The following MTMR8 variants were observed in gnomAD, a reference collection of about 807,000 sequenced individuals.
MTMR8 encodes phosphatidylinositol-3,5-bisphosphate 3-phosphatase MTMR8.
MTMR8 carries 65 observed loss-of-function variants against 39.3 expected under a neutral mutation model. That is an observed-to-expected ratio of 1.65 (90% CI 1.35 to 2.03). MTMR8 has a LOEUF of 2.03. MTMR8 is among the 30% of genes most tolerant of loss of function. The pLI, the probability that MTMR8 is intolerant of heterozygous loss-of-function variation, is 0.00. For synonymous variants in MTMR8, 245 were observed against 185.2 expected (o/e 1.32, Z -2.62); for missense variants, 777 against 538.9 (o/e 1.44, Z -4.37).
chrX:64,335,936 G>A (rs1923061617), intron 10 of MTMR8, 143 bp downstream of exon 10: 2 of 410,906 alleles, frequency 4.9e-6, no homozygotes, highest in Non-Finnish European at 8.3e-6. Flanking sequence ...ATAGTATCTA[G>A]AATACTTGTT....
At chrX:64,391,029 T>C (rs900044848) in intron 1 of MTMR8, among the ~76,000 whole-genome samples, 3 of 112,224 alleles carry the variant, frequency 2.7e-5, no homozygotes, top group African/African-American at 9.7e-5. Flanking sequence ...ATCATCACAA[T>C]GTAATTTTAG....
intron 10 of MTMR8, among the ~76,000 whole-genome samples, chrX:64,332,951 G>T (rs893408731): frequency 9.0e-6 from 1 of 111,039 alleles, no homozygotes; most frequent in Non-Finnish European, 1.9e-5. Context: ...ATCTCCACAT[G>T]CTAGATTCCT....
chrX:64,348,658 A>T lies in MTMR8; in HGVS notation c.732+2T>A, dbSNP rs1052176436. On this transcript the variant is annotated splice_donor_variant, in intron 6 of 13. Coordinates refer to ENST00000374852, the MANE Select transcript of MTMR8 (RefSeq NM_017677.4). LOFTEE classifies it high-confidence loss of function. ...TCAAAGAAATCACTGAGAAATAGAT[A>T]CCTTTGGTCTTGTGTCTACAACATA... 1.7e-6 allele frequency: 2 copies of T among 1,207,955 alleles called. No individual in the cohort carries two copies. Among genetic ancestry groups the T allele is most frequent in the African/African-American group, 3.5e-5 (2 of 57,163 alleles).
intron 12 of MTMR8, chrX:64,305,685 C>T (rs1218351162): frequency 9.4e-6 from 5 of 530,541 alleles, no homozygotes; most frequent in South Asian, 6.9e-5. Context: ...ATTGCCAGCA[C>T]CAGTAAGGTA....
intron 1 of MTMR8, among the ~76,000 whole-genome samples, chrX:64,389,196 G>T (rs1021723878): frequency 9.0e-6 from 1 of 111,635 alleles, no homozygotes; most frequent in Non-Finnish European, 1.9e-5. Context: ...CTCTATAAAG[G>T]TTAAATATTA....
chrX:64,339,717 TA>T (rs1467973163), intron 8 of MTMR8, among the ~76,000 whole-genome samples: 2 of 110,008 alleles, frequency 1.8e-5, no homozygotes, highest in African/African-American at 6.6e-5. Flanking sequence ...TTCCTTAAAG[TA>T]GGAAGAGATG....
intron 6 of MTMR8, among the ~76,000 whole-genome samples, chrX:64,346,399 T>C (rs1191364391): frequency 9.0e-6 from 1 of 111,380 alleles, no homozygotes; most frequent in Non-Finnish European, 1.9e-5. Flanking sequence ...GGAAATGTGA[T>C]GGTAATTTTG....
intron 1 of MTMR8, among the ~76,000 whole-genome samples, chrX:64,393,593 A>G (rs967747343): frequency 1.8e-5 from 2 of 112,049 alleles, no homozygotes; most frequent in Non-Finnish European, 3.8e-5. Context: ...GTGGGTTGGG[A>G]GAAGAGGGAG....
At chrX:64,325,098 A>T (rs1289086824) in intron 12 of MTMR8, among the ~76,000 whole-genome samples, 1 of 111,667 alleles carries the variant, frequency 9.0e-6, no homozygotes, top group African/African-American at 3.3e-5. Flanking sequence ...ACCTTCCAAG[A>T]TTAAAGAATG....
chrX:64,275,556 A>T (rs1931853519), intron 12 of MTMR8, among the ~76,000 whole-genome samples: 2 of 105,710 alleles, frequency 1.9e-5, no homozygotes, highest in Non-Finnish European at 3.9e-5. Flanking sequence ...AAAATAGCAC[A>T]TGCTTGTAGT....
chrX:64,381,924 C>A (rs1345373775), intron 1 of MTMR8, among the ~76,000 whole-genome samples: 1 of 111,458 alleles, frequency 9.0e-6, no homozygotes, highest in Non-Finnish European at 1.9e-5. Context: ...AGATATGCGG[C>A]ATTAGTTCTG....
At chrX:64,328,341 T>C (rs1395470168) in intron 12 of MTMR8, among the ~76,000 whole-genome samples, 1 of 112,035 alleles carries the variant, frequency 8.9e-6, no homozygotes, top group Non-Finnish European at 1.9e-5. Context: ...AGCTAATAAA[T>C]ATATTAATCT....
intron 1 of MTMR8, among the ~76,000 whole-genome samples, chrX:64,381,118 G>T (rs1422113858): frequency 8.9e-6 from 1 of 111,981 alleles, no homozygotes; most frequent in East Asian, 2.8e-4. Flanking sequence ...CCAGTAATGG[G>T]ATGGCTGGGT....
At chrX:64,289,584 C>T (rs1324724964) in intron 12 of MTMR8, among the ~76,000 whole-genome samples, 1 of 92,480 alleles carries the variant, frequency 1.1e-5, no homozygotes, top group East Asian at 3.5e-4. Flanking sequence ...TTACAATATG[C>T]TATAACTGTG....
intron 12 of MTMR8, among the ~76,000 whole-genome samples, chrX:64,327,418 A>G (rs1444932434): frequency 8.9e-6 from 1 of 112,372 alleles, no homozygotes. Flanking sequence ...GCCAATAGGT[A>G]TATGAAAAAA....
At chrX:64,358,041 A>ACCC (rs1923672660) in intron 2 of MTMR8, among the ~76,000 whole-genome samples, 1 of 111,917 alleles carries the variant, frequency 8.9e-6, no homozygotes, top group South Asian at 3.8e-4. Flanking sequence ...GGTTTGAAAT[A>ACCC]ATACCCAAAA....
chrX:64,362,394 G>A (rs1208737777), intron 1 of MTMR8, among the ~76,000 whole-genome samples: 1 of 95,106 alleles, frequency 1.1e-5, no homozygotes, highest in East Asian at 3.5e-4. Context: ...TGCTCTACTA[G>A]GTATTAAAAC....
At chrX:64,329,049 A>G (rs1326104273) in intron 11 of MTMR8, 149 bp from the exon 12 acceptor site, 1 of 454,361 alleles carries the variant, frequency 2.2e-6, no homozygotes, top group Non-Finnish European at 3.4e-6. Context: ...AAATAAGTGG[A>G]TAAAAAGTGT....
intron 1 of MTMR8, among the ~76,000 whole-genome samples, chrX:64,376,448 C>T (rs1023884479): frequency 8.9e-6 from 1 of 111,999 alleles, no homozygotes; most frequent in African/African-American, 3.2e-5. Context: ...GTCACTCTTG[C>T]TATGCTTTAG....
Sources: gnomAD v4.1 joint callset for allele counts (sites outside exome capture counted in the v4.1 genomes callset) on GRCh38, gnomAD v4.1.1 for gene constraint, MANE v1.5 for transcripts, NCBI Gene and HGNC (gene_info 2026-07-23, HGNC 2026-07-21) for gene names.